The following COG2 variants were observed in gnomAD, a reference collection of about 807,000 sequenced individuals.
COG2 encodes conserved oligomeric Golgi complex subunit 2.
COG2 carries 52 observed loss-of-function variants against 90.6 expected under a neutral mutation model. The ratio of observed to expected loss-of-function variants is 0.57; its 90% confidence interval spans 0.46 to 0.72. The LOEUF (loss-of-function observed/expected upper bound fraction) is 0.72. Ranked by LOEUF, COG2 falls within the 30% of genes least tolerant of loss-of-function variation. The pLI, the probability that COG2 is intolerant of heterozygous loss-of-function variation, is 0.00. For missense variants in COG2, 829 were observed against 891.2 expected (o/e 0.93, Z 0.89); for synonymous variants, 337 against 320.4 (o/e 1.05, Z -0.55).
At chr1:230,645,902 C>T (rs1176883009) in intron 1 of COG2, among the ~76,000 whole-genome samples, 1 of 152,112 alleles carries the variant, frequency 6.6e-6, no homozygotes, top group Non-Finnish European at 1.5e-5. Flanking sequence ...TGACAGGAGG[C>T]GGAGCTCCAA....
intron 1 of COG2, among the ~76,000 whole-genome samples, chr1:230,650,896 G>T (rs1661900091): frequency 6.6e-6 from 1 of 152,146 alleles, no homozygotes; most frequent in Non-Finnish European, 1.5e-5. Flanking sequence ...TAGGGGTCCA[G>T]TTTCATTTTT....
intron 7 of COG2, 112 bp from the exon 8 acceptor site, chr1:230,671,404 G>A (rs1450784122): frequency 1.2e-6 from 1 of 837,494 alleles, no homozygotes; most frequent in African/African-American, 1.7e-5. Context: ...CAGGGAGGAG[G>A]GTGAGTGTGA....
intron 1 of COG2, among the ~76,000 whole-genome samples, chr1:230,644,969 C>T (rs574240955): frequency 3.3e-5 from 5 of 151,842 alleles, no homozygotes; most frequent in African/African-American, 9.7e-5. Context: ...GGCAGATGAA[C>T]GAATCACTTG....
At position 230,663,131 on chromosome 1, in the gene COG2, T is replaced by C. The variant is rs368422424; in HGVS notation, c.301-10T>C. ...ATCTCTGCAGTACTTTTTTTTTTTG[T>C]CTTTTAAAGAGCCTTAGATCGTCTG... On this transcript the variant is annotated splice_polypyrimidine_tract_variant and intron_variant, in intron 3 of 17. Coordinates refer to ENST00000366669, the MANE Select transcript of COG2 (RefSeq NM_007357.3). 1 of 1,585,896 alleles carries C rather than the reference T, an allele frequency of 6.3e-7. No homozygotes were observed.
At chr1:230,671,472 TC>T (rs1410214113) in intron 7 of COG2, 43 bp from the exon 8 acceptor site, 3 of 1,559,768 alleles carry the variant, frequency 1.9e-6, no homozygotes, top group Non-Finnish European at 2.6e-6. Flanking sequence ...CGTTTGTACT[TC>T]CCTTTTAAAT....
rs1208219253 is a variant in COG2 at position 230,693,369 on chromosome 1, C to G, written c.2193C>G (p.Asp731Glu). The G allele has an allele frequency of 3.1e-6, 5 of 1,612,768 alleles. 1 individual carries two copies. Among genetic ancestry groups the G allele is most frequent in the Non-Finnish European group, 2.5e-6 (3 of 1,179,110 alleles). The stretch of plus-strand genomic sequence containing the variant: ...CAGAGCTTGTTGCTGCTGCCAAGGA[C>G]CAGGCAACAGCAGAGCAGCCTTAAG... ...ALAELVAAAK[D>E]QATAEQP Residue 731 changes from aspartate (D) to glutamate (E), a missense_variant, in exon 18 of 18, where the codon GAC becomes GAG. Transcript: ENST00000366669.
intron 11 of COG2, 98 bp downstream of exon 11, chr1:230,683,733 G>GTTT (rs5781597): frequency 1.5e-3 from 748 of 498,128 alleles, no homozygotes; most frequent in South Asian, 1.9e-3. Context: ...TACTTTTACT[G>GTTT]TTTTTTTTTT....
intron 17 of COG2, 148 bp downstream of exon 17, chr1:230,691,712 CA>C: frequency 1.4e-6 from 1 of 698,944 alleles, no homozygotes; most frequent in Non-Finnish European, 2.3e-6. Flanking sequence ...TCGGGGCTCC[CA>C]AATTACTTTG....
intron 7 of COG2, 122 bp from the exon 8 acceptor site, chr1:230,671,394 C>G: frequency 1.3e-6 from 1 of 764,060 alleles, no homozygotes; most frequent in East Asian, 2.9e-5. Context: ...AAATGTGTCA[C>G]AGGGAGGAGG....
At chr1:230,672,905 T>A (rs1045265875) in intron 8 of COG2, among the ~76,000 whole-genome samples, 1 of 152,132 alleles carries the variant, frequency 6.6e-6, no homozygotes, top group Admixed American at 6.5e-5. Flanking sequence ...GCAAATAAGG[T>A]CTCTGTTTTC....
At chr1:230,683,112 C>G (rs1023537954) in intron 10 of COG2, 1 of 156,364 alleles carries the variant, frequency 6.4e-6, no homozygotes, top group African/African-American at 2.4e-5. Context: ...CTGGCCACTT[C>G]CTGTGATTTT....
At position 230,678,954 on chromosome 1, in the gene COG2, G is replaced by A; in HGVS notation, c.1068G>A (p.Arg356=). 6.2e-7 allele frequency: 1 copy of A among 1,613,436 alleles called. No homozygotes were observed. Among genetic ancestry groups the A allele is most frequent in the Non-Finnish European group, 8.5e-7 (1 of 1,179,528 alleles). The change falls in exon 10 of 18, where the codon CGG becomes CGA. Residue 356 remains arginine (R), a synonymous_variant. Coordinates refer to ENST00000366669, the MANE Select transcript of COG2 (RefSeq NM_007357.3). Reference sequence around the variant, plus strand: ...TGGATTTTGTCAGAAGATTGGAACGGCAGTGTGGATCACAGGCTAGTGTAA... The same window carrying A: ...TGGATTTTGTCAGAAGATTGGAACGACAGTGTGGATCACAGGCTAGTGTAA... The part of the protein sequence containing the change: ...ISMDFVRRLE[R]QCGSQASVKR...
chr1:230,646,133 C>A (rs1661770659), intron 1 of COG2, among the ~76,000 whole-genome samples: 1 of 152,210 alleles, frequency 6.6e-6, no homozygotes, highest in Non-Finnish European at 1.5e-5. Context: ...GTTTCTTCTA[C>A]TGGACCCTCC....
intron 1 of COG2, 85 bp downstream of exon 1, chr1:230,642,763 C>G (rs1037286484): frequency 1.5e-6 from 2 of 1,326,352 alleles, no homozygotes; most frequent in Admixed American, 2.1e-5. Flanking sequence ...CGGTCGGCTG[C>G]TCCTGCCTGC....
At chr1:230,684,655 C>T (rs1662842933) in intron 11 of COG2, among the ~76,000 whole-genome samples, 2 of 152,044 alleles carry the variant, frequency 1.3e-5, no homozygotes, top group Admixed American at 1.3e-4. Context: ...CAAAAATGGT[C>T]ATATGTAGTT....
At chr1:230,683,766 C>A in intron 11 of COG2, 131 bp downstream of exon 11, 1 of 635,160 alleles carries the variant, frequency 1.6e-6, no homozygotes, top group Non-Finnish European at 2.7e-6. Context: ...TAAGTTGGAC[C>A]TTAAAAATCA....
At chr1:230,660,608 T>C in intron 2 of COG2, 150 bp from the exon 3 acceptor site, 1 of 454,072 alleles carries the variant, frequency 2.2e-6, no homozygotes, top group East Asian at 3.4e-5. Flanking sequence ...AAAATAACAT[T>C]TGTTATTTAG....
intron 9 of COG2, among the ~76,000 whole-genome samples, chr1:230,676,692 C>T (rs1038762470): frequency 6.6e-6 from 1 of 152,016 alleles, no homozygotes; most frequent in Non-Finnish European, 1.5e-5. Flanking sequence ...TGTTAGAAGA[C>T]TTTTTAGTCT....
At chr1:230,682,376 G>T (rs899833368) in intron 10 of COG2, 4 of 152,266 alleles carry the variant, frequency 2.6e-5, no homozygotes, top group Non-Finnish European at 5.9e-5. Context: ...CTGTTCCTGG[G>T]CTAGTTTCCA....
Sources: gnomAD v4.1 joint callset for allele counts (sites outside exome capture counted in the v4.1 genomes callset) on GRCh38, gnomAD v4.1.1 for gene constraint, MANE v1.5 for transcripts, NCBI Gene and HGNC (gene_info 2026-07-23, HGNC 2026-07-21) for gene names.